Variants in HDAC9 observed in about 807,000 individuals in gnomAD.
HDAC9 encodes the protein histone deacetylase 9, also known as MEF-2 interacting transcription repressor (MITR) protein.
In HDAC9, 41 loss-of-function variants were observed where a neutral mutation model predicts 139.4. The ratio of observed to expected loss-of-function variants is 0.29; its 90% CI spans 0.23 to 0.38. The LOEUF is 0.38. Among genes scored for constraint, HDAC9 ranks in the 10% least tolerant of loss-of-function variants. HDAC9 has a pLI of 1.00. For missense variants in HDAC9, 1,147 were observed against 1,297.0 expected (o/e 0.88, Z 1.78); for synonymous variants, 517 against 476.2 (o/e 1.09, Z -1.12).
At chr7:18,444,759 C>T (rs1361616437) in intron 1 of HDAC9, among the ~76,000 whole-genome samples, 6 of 152,144 alleles carry the variant, frequency 3.9e-5, no homozygotes, top group Admixed American at 1.3e-4. Context: ...TATAAATTTT[C>T]GCATTGGTTG....
At chr7:18,298,903 G>A (rs1278174017) in intron 1 of HDAC9, among the ~76,000 whole-genome samples, 4 of 152,050 alleles carry the variant, frequency 2.6e-5, no homozygotes, top group Admixed American at 6.6e-5. Flanking sequence ...TAACAACACC[G>A]TGAACGAAAA....
chr7:18,180,949 G>A (rs766156968), intron 2 of HDAC9, among the ~76,000 whole-genome samples: 4 of 152,124 alleles, frequency 2.6e-5, no homozygotes, highest in Non-Finnish European at 4.4e-5. Context: ...TATCACTCCA[G>A]TCTTTGCCTT....
rs548609707 is a variant in HDAC9 at position 18,924,525 on chromosome 7, C to A, written c.2804-11284C>A. 2.6e-5 allele frequency among the ~76,000 whole-genome samples: 4 copies of A among 152,112 alleles called. No homozygotes were observed. In the East Asian group the frequency reaches 7.7e-4, roughly 29 times the overall value. ...GGTATTTTGGTCTTGAAATTAAAAA[C>A]CCTGGTCATTTGGGAAATGCAATTC... On this transcript the variant is annotated intron_variant, in intron 22 of 25. Transcript: ENST00000686413.
At chr7:18,571,969 T>C (rs1252785395) in intron 2 of HDAC9, among the ~76,000 whole-genome samples, 1 of 114,576 alleles carries the variant, frequency 8.7e-6, no homozygotes, top group African/African-American at 3.1e-5. Flanking sequence ...CCAATGAAAC[T>C]TTTTTTTTTT....
intron 22 of HDAC9, among the ~76,000 whole-genome samples, chr7:18,894,689 C>G (rs951250688): frequency 3.3e-5 from 5 of 152,026 alleles, no homozygotes; most frequent in African/African-American, 1.2e-4. Context: ...CTGATGAGTA[C>G]TTGAAAAAAT....
chr7:18,119,477 C>T (rs1332213157), intron 1 of HDAC9, among the ~76,000 whole-genome samples: 3 of 152,162 alleles, frequency 2.0e-5, no homozygotes, highest in Non-Finnish European at 4.4e-5. Context: ...AGTTTCTTAC[C>T]ACCAAACTTG....
At chr7:18,732,896 C>CGTGTGCGTATGTGTAT (rs1786382824) in intron 13 of HDAC9, among the ~76,000 whole-genome samples, 1 of 87,464 alleles carries the variant, frequency 1.1e-5, no homozygotes, top group Non-Finnish European at 2.4e-5. Flanking sequence ...TATGTGTACA[C>CGTGTGCGTATGTGTAT]ACACACGTGT....
At chr7:18,835,706 T>C (rs759078909) in intron 20 of HDAC9, 120 bp downstream of exon 20, 199 of 1,378,038 alleles carry the variant, frequency 1.4e-4, no homozygotes, top group Non-Finnish European at 2.0e-4. Flanking sequence ...GATTACTGAA[T>C]TGTCCCATGG....
chr7:18,842,289 A>T (rs1796633255), intron 21 of HDAC9, among the ~76,000 whole-genome samples: 1 of 152,120 alleles, frequency 6.6e-6, no homozygotes, highest in African/African-American at 2.4e-5. Context: ...AATATGAAAT[A>T]CTGTACATAT....
chr7:18,752,351 C>T (rs1390646117), intron 14 of HDAC9, among the ~76,000 whole-genome samples: 1 of 152,014 alleles, frequency 6.6e-6, no homozygotes, highest in Non-Finnish European at 1.5e-5. Flanking sequence ...ACAGTATCTG[C>T]CCACTGAAGT....
At chr7:18,095,682 T>A (rs995601648) in intron 1 of HDAC9, among the ~76,000 whole-genome samples, 2 of 152,156 alleles carry the variant, frequency 1.3e-5, no homozygotes, top group Non-Finnish European at 2.9e-5. Flanking sequence ...TATAGGAACA[T>A]AAATATGAAT....
Position 18,634,614 on chromosome 7 carries a change from CA to C in HDAC9, c.797-11del, listed in dbSNP as rs1044682129. The C allele has an allele frequency of 1.3e-6, 2 of 1,514,240 alleles. No homozygotes were observed. The highest frequency in any genetic ancestry group is 1.8e-6 in the Non-Finnish European group (2 of 1,107,886). 93.8% of individuals were successfully genotyped at this position (1,514,240 alleles called of 1,614,324 possible). ...TCCTCATGAACACATTTGTACTTCACAATATTTTTCAGAATCCTCAGTCAGT... is the reference window on the plus strand; with the variant it reads ...TCCTCATGAACACATTTGTACTTCACATATTTTTCAGAATCCTCAGTCAGT... On this transcript the variant is annotated splice_polypyrimidine_tract_variant and intron_variant, in intron 7 of 25. Transcript: ENST00000686413.
intron 12 of HDAC9, among the ~76,000 whole-genome samples, chr7:18,725,547 T>C (rs1292004577): frequency 2.0e-5 from 3 of 152,112 alleles, no homozygotes; most frequent in Admixed American, 6.6e-5. Flanking sequence ...CAGGAAGGAA[T>C]AGGACTGGTT....
At chr7:18,585,192 A>G (rs1373216592) in intron 2 of HDAC9, 89 bp from the exon 3 acceptor site, 27 of 1,448,096 alleles carry the variant, frequency 1.9e-5, no homozygotes, top group Non-Finnish European at 2.5e-5. Flanking sequence ...AGGGTCTTAT[A>G]CTTTTTATTT....
At chr7:18,527,286 T>G (rs979018701) in intron 2 of HDAC9, among the ~76,000 whole-genome samples, 1 of 152,158 alleles carries the variant, frequency 6.6e-6, no homozygotes, top group African/African-American at 2.4e-5. Context: ...TTGCATGTCT[T>G]TTGGATAATT....
At chr7:18,822,020 C>A (rs562647354) in intron 17 of HDAC9, among the ~76,000 whole-genome samples, 1,866 of 152,274 alleles carry the variant, frequency 0.012, 41 homozygotes, top group African/African-American at 0.043. Flanking sequence ...GTGTGCCACC[C>A]TTGCAGTTTC....
intron 11 of HDAC9, among the ~76,000 whole-genome samples, chr7:18,656,953 G>A (rs769324711): frequency 2.1e-5 from 3 of 139,742 alleles, no homozygotes; most frequent in East Asian, 1.9e-4. Context: ...CATTCATTAC[G>A]GGTCCATCTT....
chr7:18,326,040 G>C (rs1800422123), intron 1 of HDAC9, among the ~76,000 whole-genome samples: 1 of 152,104 alleles, frequency 6.6e-6, no homozygotes, highest in Non-Finnish European at 1.5e-5. Context: ...AACACATTCT[G>C]CTGGGTTTTG....
At chr7:18,342,239 G>T (rs1585262616) in intron 1 of HDAC9, among the ~76,000 whole-genome samples, 1 of 151,786 alleles carries the variant, frequency 6.6e-6, no homozygotes, top group African/African-American at 2.4e-5. Flanking sequence ...CTTTGGTGTT[G>T]TCAGACTTTC....
Sources: allele counts gnomAD v4.1 joint callset (sites outside exome capture counted in the v4.1 genomes callset), GRCh38; gene constraint gnomAD v4.1.1; transcripts MANE v1.5; gene names NCBI Gene and HGNC (gene_info 2026-07-23, HGNC 2026-07-21).